The following CDH18 variants were observed in gnomAD, a reference collection of about 807,000 sequenced individuals.
CDH18 encodes cadherin 18, also known as cadherin-18.
A neutral mutation model predicts 67.9 loss-of-function variants in CDH18; 31 were observed. The ratio of observed to expected loss-of-function variants is 0.46; its 90% CI spans 0.34 to 0.62. The LOEUF (loss-of-function observed/expected upper bound fraction) is 0.62. Among genes scored for constraint, CDH18 ranks in the 20% least tolerant of loss-of-function variants. CDH18 has a pLI of 0.01. For missense variants in CDH18, 890 were observed against 975.5 expected (o/e 0.91, Z 1.17); for synonymous variants, 362 against 347.2 (o/e 1.04, Z -0.48).
chr5:19,745,241 T>C (rs2150724191), intron 4 of CDH18, among the ~76,000 whole-genome samples: 1 of 152,344 alleles, frequency 6.6e-6, no homozygotes, highest in Admixed American at 6.5e-5. Flanking sequence ...TTCTTTGTTG[T>C]TGTTATTTAC....
intron 2 of CDH18, among the ~76,000 whole-genome samples, chr5:20,252,990 T>C (rs183387001): frequency 4.0e-5 from 6 of 149,816 alleles, no homozygotes; most frequent in Admixed American, 1.3e-4. Context: ...GAGAAAACAA[T>C]AGGTTAAATA....
chr5:20,367,603 A>G (rs915275396), intron 1 of CDH18, among the ~76,000 whole-genome samples: 5 of 152,200 alleles, frequency 3.3e-5, no homozygotes, highest in Admixed American at 3.3e-4. Context: ...CCTTCCCACA[A>G]ACAAGTCTTA....
intron 10 of CDH18, among the ~76,000 whole-genome samples, chr5:19,507,976 A>G (rs1171595146): frequency 6.6e-6 from 1 of 152,036 alleles, no homozygotes; most frequent in East Asian, 1.9e-4. Flanking sequence ...TGTCTTGTTT[A>G]ACAATGTCCC....
intron 1 of CDH18, among the ~76,000 whole-genome samples, chr5:20,465,839 G>T (rs759469262): frequency 3.3e-5 from 5 of 151,922 alleles, no homozygotes; most frequent in Non-Finnish European, 5.9e-5. Context: ...TCATCGCAAC[G>T]CTCTGTAAGA....
intron 3 of CDH18, among the ~76,000 whole-genome samples, chr5:19,787,900 C>T (rs1308922731): frequency 6.6e-6 from 1 of 150,812 alleles, no homozygotes; most frequent in African/African-American, 2.4e-5. Flanking sequence ...TAATTAACTC[C>T]TTCAGAAGTA....
At chr5:19,534,375 T>C (rs1008752266) in intron 9 of CDH18, among the ~76,000 whole-genome samples, 4 of 152,160 alleles carry the variant, frequency 2.6e-5, no homozygotes, top group Non-Finnish European at 5.9e-5. Context: ...TGAATGAGAA[T>C]GCATGAACCC....
intron 7 of CDH18, among the ~76,000 whole-genome samples, chr5:19,589,662 T>C (rs1345972999): frequency 6.6e-6 from 1 of 152,092 alleles, no homozygotes; most frequent in Non-Finnish European, 1.5e-5. Flanking sequence ...TTAGACCTAG[T>C]CACTTTTTTC....
intron 11 of CDH18, among the ~76,000 whole-genome samples, chr5:19,501,177 A>T (rs994081670): frequency 1.4e-5 from 2 of 147,846 alleles, no homozygotes; most frequent in South Asian, 4.2e-4. Context: ...ATATATAAAA[A>T]TATATATAAT....
At chr5:20,221,583 T>G (rs1444445351) in intron 2 of CDH18, among the ~76,000 whole-genome samples, 2 of 152,096 alleles carry the variant, frequency 1.3e-5, no homozygotes, top group Non-Finnish European at 2.9e-5. Context: ...TCAATAATAA[T>G]TTATTGTACA....
chr5:19,997,008 A>C (rs947376858), intron 2 of CDH18, among the ~76,000 whole-genome samples: 2 of 152,072 alleles, frequency 1.3e-5, no homozygotes, highest in Non-Finnish European at 2.9e-5. Flanking sequence ...ACTAGAAAGA[A>C]GTTACTAAAA....
chr5:20,263,829 C>T (rs961261618), intron 1 of CDH18, among the ~76,000 whole-genome samples: 4 of 152,042 alleles, frequency 2.6e-5, no homozygotes, highest in African/African-American at 9.7e-5. Flanking sequence ...CCCTTTTCAA[C>T]TACATGTATG....
chr5:20,022,315 A>C (rs1476718295), intron 2 of CDH18, among the ~76,000 whole-genome samples: 1 of 152,166 alleles, frequency 6.6e-6, no homozygotes, highest in African/African-American at 2.4e-5. Flanking sequence ...AAGGTTTGGA[A>C]CCTAATTTGC....
At chr5:19,770,932 T>A (rs1479463123) in intron 3 of CDH18, among the ~76,000 whole-genome samples, 2 of 152,168 alleles carry the variant, frequency 1.3e-5, no homozygotes, top group Non-Finnish European at 2.9e-5. Context: ...GGCTTAAATA[T>A]CTAGAATTTA....
intron 1 of CDH18, among the ~76,000 whole-genome samples, chr5:20,318,728 G>A (rs1318750162): frequency 1.3e-5 from 2 of 152,072 alleles, no homozygotes; most frequent in African/African-American, 4.8e-5. Flanking sequence ...TTTACAGCCT[G>A]CAGAGCCATG....
At chr5:19,761,199 G>A (rs1581231349) in intron 3 of CDH18, among the ~76,000 whole-genome samples, 2 of 152,248 alleles carry the variant, frequency 1.3e-5, no homozygotes. Flanking sequence ...TTTCTCTACA[G>A]GAGATAAGAA....
intron 5 of CDH18, among the ~76,000 whole-genome samples, chr5:19,618,861 G>C (rs1341832958): frequency 6.6e-6 from 1 of 152,132 alleles, no homozygotes; most frequent in East Asian, 1.9e-4. Flanking sequence ...TGAGTACTAA[G>C]AGATTTCGAT....
At chr5:20,475,064 T>A (rs1431355583) in intron 1 of CDH18, among the ~76,000 whole-genome samples, 1 of 152,182 alleles carries the variant, frequency 6.6e-6, no homozygotes, top group African/African-American at 2.4e-5. Flanking sequence ...AAAACTTGAG[T>A]ATCATTTCAT....
intron 1 of CDH18, among the ~76,000 whole-genome samples, chr5:20,383,704 G>A (rs944704558): frequency 6.6e-6 from 1 of 151,872 alleles, no homozygotes; most frequent in African/African-American, 2.4e-5. Flanking sequence ...TATTTTCTTA[G>A]AAACCAAAGA....
At chr5:20,083,176 G>C (rs1426619654) in intron 2 of CDH18, among the ~76,000 whole-genome samples, 1 of 152,184 alleles carries the variant, frequency 6.6e-6, no homozygotes, top group African/African-American at 2.4e-5. Context: ...GGCACTTAGA[G>C]ATAGCTTCAA....
Sources: gnomAD v4.1 joint callset for allele counts (sites outside exome capture counted in the v4.1 genomes callset) on GRCh38, gnomAD v4.1.1 for gene constraint, MANE v1.5 for transcripts, NCBI Gene and HGNC (gene_info 2026-07-23, HGNC 2026-07-21) for gene names.